The following NRG3 variants were observed in gnomAD, a reference collection of about 807,000 sequenced individuals.
NRG3 encodes the protein neuregulin 3, also known as pro-neuregulin-3, membrane-bound isoform.
NRG3 carries 31 observed loss-of-function variants against 66.9 expected under a neutral mutation model. The observed-to-expected ratio is 0.46, with a 90% CI of 0.35 to 0.63. The LOEUF is 0.63. Among genes scored for constraint, NRG3 ranks in the 20% least tolerant of loss-of-function variants. The probability of loss-of-function intolerance (pLI) is 0.00; values close to 1 mark genes in which losing one functional copy is unlikely to be tolerated. For missense variants in NRG3, 910 were observed against 878.9 expected, an observed-to-expected ratio of 1.04 and a Z score of -0.45; for synonymous variants, 393 against 359.4, an observed-to-expected ratio of 1.09 and a Z score of -1.06.
chr10:82,239,812 G>C (rs2076928378), intron 1 of NRG3, among the ~76,000 whole-genome samples: 2 of 151,892 alleles, frequency 1.3e-5, no homozygotes, highest in African/African-American at 4.8e-5. Context: ...CTTAGTTCCA[G>C]TTTTATTTTG....
At chr10:82,170,654 G>GTGTATA (rs1554839695) in intron 1 of NRG3, among the ~76,000 whole-genome samples, 1,777 of 74,082 alleles carry the variant, frequency 0.024, 182 homozygotes, top group Middle Eastern at 0.057. Context: ...AAAACTTGTG[G>GTGTATA]TATATATATA....
chr10:82,441,335 T>G lies in NRG3; in HGVS notation c.953+82467T>G, dbSNP rs144662349. On this transcript the variant is annotated intron_variant, in intron 2 of 8. Transcript: ENST00000372141. ...TCGGAGAAAATGTTTTGGTAGCAGA[T>G]TTCTGTCCTTGGCATCTGTGATGGA... Among the ~76,000 whole-genome samples, 343 of 152,328 alleles carry G rather than the reference T, an allele frequency of 2.3e-3. 1 individual carries two copies. Among genetic ancestry groups the G allele is most frequent in the African/African-American group, 7.6e-3 (318 of 41,576 alleles).
intron 2 of NRG3, among the ~76,000 whole-genome samples, chr10:82,506,605 G>A (rs191598911): frequency 6.6e-6 from 1 of 151,658 alleles, no homozygotes; most frequent in Admixed American, 6.6e-5. Context: ...TCTGTCTCCT[G>A]TCTTTCTGTT....
chr10:82,373,314 A>C lies in NRG3; in HGVS notation c.953+14446A>C, dbSNP rs573807093. On this transcript the variant is annotated intron_variant, in intron 2 of 8. Coordinates refer to ENST00000372141, the MANE Select transcript of NRG3 (RefSeq NM_001010848.4). ...ATACAGTTATAGCTAACGTCAGAGAAAGGAGTTATTAATTCAGCTGTAGAC... is the reference window on the plus strand; with the variant it reads ...ATACAGTTATAGCTAACGTCAGAGACAGGAGTTATTAATTCAGCTGTAGAC... Among the ~76,000 whole-genome samples, 3 of 152,358 alleles carry C rather than the reference A, an allele frequency of 2.0e-5. No homozygotes were observed. In the East Asian group the frequency reaches 5.8e-4, roughly 29 times the overall value.
intron 1 of NRG3, among the ~76,000 whole-genome samples, chr10:81,960,153 A>T (rs1850216785): frequency 6.6e-6 from 1 of 151,904 alleles, no homozygotes; most frequent in African/African-American, 2.4e-5. Context: ...CACATTGTTC[A>T]CTTTTAAATT....
chr10:82,896,518 G>A (rs1258969708), intron 4 of NRG3, among the ~76,000 whole-genome samples: 1 of 152,192 alleles, frequency 6.6e-6, no homozygotes, highest in African/African-American at 2.4e-5. Flanking sequence ...CCTGTTTATT[G>A]TTGTAGGACA....
intron 3 of NRG3, among the ~76,000 whole-genome samples, chr10:82,786,395 T>G (rs1364909319): frequency 1.3e-5 from 2 of 152,184 alleles, no homozygotes; most frequent in African/African-American, 4.8e-5. Context: ...TTTTTGTTGT[T>G]GGGTTTAGTA....
At chr10:82,433,887 C>T (rs779804205) in intron 2 of NRG3, among the ~76,000 whole-genome samples, 7 of 152,172 alleles carry the variant, frequency 4.6e-5, no homozygotes, top group African/African-American at 7.2e-5. Flanking sequence ...TAGCATGATG[C>T]CTCCAGGTTT....
At chr10:82,512,363 G>A (rs1192472249) in intron 2 of NRG3, among the ~76,000 whole-genome samples, 1 of 151,698 alleles carries the variant, frequency 6.6e-6, no homozygotes, top group African/African-American at 2.4e-5. Context: ...TTGGCTCATT[G>A]CAACCTCTGC....
chr10:82,984,681 G>A, intron 8 of NRG3: 2 of 1,198,120 alleles, frequency 1.7e-6, no homozygotes, highest in Non-Finnish European at 2.4e-6. Context: ...CTGAGAGGGT[G>A]GTCGAGTTGA....
chr10:82,828,247 G>A (rs1354255586), intron 3 of NRG3, among the ~76,000 whole-genome samples: 1 of 152,180 alleles, frequency 6.6e-6, no homozygotes, highest in Non-Finnish European at 1.5e-5. Context: ...TGCTAGGAAT[G>A]TACAAAGTTC....
chr10:82,865,174 A>T (rs1840585140), intron 3 of NRG3, among the ~76,000 whole-genome samples: 1 of 152,170 alleles, frequency 6.6e-6, no homozygotes, highest in South Asian at 2.1e-4. Flanking sequence ...ATATTAGTTC[A>T]TCTAAAATCT....
chr10:81,895,163 A>G (rs916971690), intron 1 of NRG3, among the ~76,000 whole-genome samples: 1 of 152,062 alleles, frequency 6.6e-6, no homozygotes, highest in African/African-American at 2.4e-5. Context: ...TATTGCTAAC[A>G]CTCAAACCAG....
intron 1 of NRG3, among the ~76,000 whole-genome samples, chr10:81,949,039 A>C (rs1465709152): frequency 6.6e-6 from 1 of 152,128 alleles, no homozygotes; most frequent in African/African-American, 2.4e-5. Flanking sequence ...ACATGTGACA[A>C]TACACATAGG....
rs1262767414 is a variant in NRG3, at chr10:81,935,855, CA to C, written c.823+59693del. Among the ~76,000 whole-genome samples, 11 of 147,230 alleles carry C rather than the reference CA, an allele frequency of 7.5e-5. 1 individual carries two copies. Among genetic ancestry groups the C allele is most frequent in the African/African-American group, 2.3e-4 (9 of 39,664 alleles). On this transcript the variant is annotated intron_variant, in intron 1 of 8. Transcript: ENST00000372141. Reference sequence around the variant, plus strand: ...CTTCTCAATTTACCCAGCTTTTTTTCATTATACTTTTCAGTGCCTGAACACA... The same window carrying C: ...CTTCTCAATTTACCCAGCTTTTTTTCTTATACTTTTCAGTGCCTGAACACA...
At chr10:81,902,457 A>G (rs1689221311) in intron 1 of NRG3, among the ~76,000 whole-genome samples, 1 of 152,132 alleles carries the variant, frequency 6.6e-6, no homozygotes, top group South Asian at 2.1e-4. Flanking sequence ...GATGAAATTG[A>G]TGTCCTTAGA....
chr10:82,395,790 A>G (rs1248730115), intron 2 of NRG3, among the ~76,000 whole-genome samples: 75 of 152,196 alleles, frequency 4.9e-4, no homozygotes, highest in Non-Finnish European at 4.4e-5. Context: ...AACATGACCA[A>G]TTAAAGCTGA....
chr10:82,151,985 G>C (rs529672388), intron 1 of NRG3, among the ~76,000 whole-genome samples: 7 of 152,150 alleles, frequency 4.6e-5, no homozygotes, highest in Admixed American at 6.6e-5. Context: ...TATAAAATAC[G>C]TTAGCATAAG....
intron 8 of NRG3, among the ~76,000 whole-genome samples, chr10:82,982,440 CA>C (rs1853025775): frequency 6.6e-6 from 1 of 152,152 alleles, no homozygotes; most frequent in Non-Finnish European, 1.5e-5. Context: ...CTTGTGGAAG[CA>C]TCATTGGCCC....
Sources: allele counts gnomAD v4.1 joint callset (sites outside exome capture counted in the v4.1 genomes callset), GRCh38; gene constraint gnomAD v4.1.1; transcripts MANE v1.5; gene names NCBI Gene and HGNC (gene_info 2026-07-23, HGNC 2026-07-21).